The following SORCS1 variants were observed in gnomAD, a reference collection of about 807,000 sequenced individuals.
The protein encoded by SORCS1 is VPS10 domain-containing receptor SorCS1.
A neutral mutation model predicts 146.1 loss-of-function variants in SORCS1; 60 were observed. That is an observed-to-expected ratio of 0.41 (90% CI 0.33 to 0.51). SORCS1 has a LOEUF of 0.51. Among genes scored for constraint, SORCS1 ranks in the 20% least tolerant of loss-of-function variants. The pLI is 0.21. For synonymous variants in SORCS1, 637 were observed against 584.0 expected, an observed-to-expected ratio of 1.09 and a Z score of -1.31; for missense variants, 1,352 against 1,487.6, an observed-to-expected ratio of 0.91 and a Z score of 1.50.
intron 1 of SORCS1, among the ~76,000 whole-genome samples, chr10:107,003,466 GTGTGTGTA>G (rs1414756899): frequency 7.1e-6 from 1 of 139,952 alleles, no homozygotes; most frequent in Non-Finnish European, 1.5e-5. Flanking sequence ...GTGTGTGTGT[GTGTGTGTA>G]GTAATCCACA....
intron 17 of SORCS1, 123 bp from the exon 18 acceptor site, chr10:106,652,676 GCTA>G: frequency 9.7e-7 from 1 of 1,030,808 alleles, no homozygotes; most frequent in Non-Finnish European, 1.4e-6. Flanking sequence ...CATCTTTCAT[GCTA>G]CTATGAGGAG....
At chr10:106,817,564 A>T (rs934513981) in intron 3 of SORCS1, among the ~76,000 whole-genome samples, 2 of 152,222 alleles carry the variant, frequency 1.3e-5, no homozygotes, top group Non-Finnish European at 2.9e-5. Context: ...GAGAGACTGT[A>T]TTCTCTACAT....
At chr10:107,055,801 TCTG>T (rs36107813) in intron 1 of SORCS1, among the ~76,000 whole-genome samples, 4,346 of 152,260 alleles carry the variant, frequency 0.029, 192 homozygotes, top group African/African-American at 0.098. Context: ...CAGGCACCAG[TCTG>T]CTAAGAGCAC....
intron 1 of SORCS1, among the ~76,000 whole-genome samples, chr10:107,041,050 T>C (rs772938695): frequency 1.3e-5 from 2 of 152,150 alleles, no homozygotes; most frequent in Admixed American, 1.3e-4. Context: ...TGTAATACTA[T>C]GCAATAGTGT....
chr10:106,695,641 G>GT (rs1162806877), intron 9 of SORCS1, among the ~76,000 whole-genome samples: 1 of 152,142 alleles, frequency 6.6e-6, no homozygotes, highest in Non-Finnish European at 1.5e-5. Context: ...GTTATGGAAG[G>GT]TTCTTTACAC....
At chr10:106,877,486 T>C (rs1001201412) in intron 2 of SORCS1, among the ~76,000 whole-genome samples, 3 of 152,126 alleles carry the variant, frequency 2.0e-5, no homozygotes, top group Non-Finnish European at 2.9e-5. Context: ...TGAGTTATGA[T>C]TGTGTCACTG....
intron 1 of SORCS1, among the ~76,000 whole-genome samples, chr10:107,082,095 T>G (rs896053969): frequency 7.9e-5 from 12 of 152,188 alleles, no homozygotes; most frequent in African/African-American, 2.9e-4. Flanking sequence ...AATAGCCTAG[T>G]TTTCCTTCAA....
At chr10:107,044,025 C>G (rs144579003) in intron 1 of SORCS1, among the ~76,000 whole-genome samples, 1 of 152,148 alleles carries the variant, frequency 6.6e-6, no homozygotes, top group African/African-American at 2.4e-5. Context: ...CTTGTTCACA[C>G]GAACAACAGG....
At chr10:107,115,168 C>T (rs1467115537) in intron 1 of SORCS1, among the ~76,000 whole-genome samples, 1 of 151,804 alleles carries the variant, frequency 6.6e-6, no homozygotes, top group African/African-American at 2.4e-5. Flanking sequence ...GTTTAAACGT[C>T]CATATTGCCA....
chr10:106,747,965 C>T (rs1324052715), intron 5 of SORCS1, among the ~76,000 whole-genome samples: 2 of 152,196 alleles, frequency 1.3e-5, no homozygotes, highest in African/African-American at 4.8e-5. Flanking sequence ...TCATTCCCAT[C>T]ATCTGTCCTA....
At chr10:106,907,518 A>C (rs902535238) in intron 2 of SORCS1, among the ~76,000 whole-genome samples, 1 of 152,192 alleles carries the variant, frequency 6.6e-6, no homozygotes, top group Non-Finnish European at 1.5e-5. Context: ...ATATTATTTC[A>C]ATTATTTTAA....
intron 1 of SORCS1, among the ~76,000 whole-genome samples, chr10:106,976,325 G>GTTTTTTTTTTT (rs1554901295): frequency 2.1e-4 from 19 of 90,472 alleles, no homozygotes; most frequent in South Asian, 1.1e-3. Context: ...CATCATCTAG[G>GTTTTTTTTTTT]TTTTTTTGTT....
At chr10:106,795,152 T>C (rs375920990) in intron 3 of SORCS1, among the ~76,000 whole-genome samples, 1 of 152,238 alleles carries the variant, frequency 6.6e-6, no homozygotes, top group East Asian at 1.9e-4. Flanking sequence ...GTCATGTAAA[T>C]TTGGGGGATA....
chr10:107,020,274 G>A (rs1299255719), intron 1 of SORCS1, among the ~76,000 whole-genome samples: 1 of 152,182 alleles, frequency 6.6e-6, no homozygotes, highest in South Asian at 2.1e-4. Context: ...AGAATTGCAT[G>A]TAGTAAATAG....
rs565623860 is a variant in SORCS1, at chr10:106,947,510, G to A, written c.626+9003C>T. On this transcript the variant is annotated intron_variant, in intron 2 of 25. Transcript: ENST00000263054. The stretch of plus-strand genomic sequence containing the variant: ...AGCTGGCTGTCAGACCATTAAGCAT[G>A]CTACTAAATCTTTCTAAGTCTTACT... Among the ~76,000 whole-genome samples, 50 of 152,270 alleles carry A rather than the reference G, an allele frequency of 3.3e-4. No individual in the cohort carries two copies. The South Asian group carries it at 0.01, about 31-fold the overall frequency.
chr10:106,778,033 G>C (rs1444637223), intron 3 of SORCS1, among the ~76,000 whole-genome samples: 1 of 152,146 alleles, frequency 6.6e-6, no homozygotes, highest in Non-Finnish European at 1.5e-5. Flanking sequence ...AAAGAGCAGA[G>C]TGCCAGGCAA....
chr10:106,608,496 T>C (rs574690871), intron 22 of SORCS1, among the ~76,000 whole-genome samples: 1 of 152,350 alleles, frequency 6.6e-6, no homozygotes, highest in South Asian at 2.1e-4. Flanking sequence ...GGTCCTCACC[T>C]AATGTTATAA....
Position 106,613,052 on chromosome 10 carries a change from C to G in SORCS1, c.2921-1029G>C, listed in dbSNP as rs529718287. Among the ~76,000 whole-genome samples the G allele has an allele frequency of 2.7e-3, 416 of 152,052 alleles. 1 individual carries two copies. The highest frequency in any genetic ancestry group is 3.2e-3 in the Non-Finnish European group (216 of 67,990). ...ATGGCACTACTCTGTTTTGTACATA[C>G]TTTTTATTATTATTATAGGATTATG... On this transcript the variant is annotated intron_variant, in intron 21 of 25. Coordinates refer to ENST00000263054, the MANE Select transcript of SORCS1 (RefSeq NM_052918.5).
chr10:107,083,445 T>G (rs1333015289), intron 1 of SORCS1, among the ~76,000 whole-genome samples: 2 of 152,236 alleles, frequency 1.3e-5, no homozygotes, highest in Non-Finnish European at 2.9e-5. Context: ...TCTCATATTA[T>G]TATTCCAATC....
Sources: allele counts gnomAD v4.1 joint callset (sites outside exome capture counted in the v4.1 genomes callset), GRCh38; gene constraint gnomAD v4.1.1; transcripts MANE v1.5; gene names NCBI Gene and HGNC (gene_info 2026-07-23, HGNC 2026-07-21).